MYCBP: variants seen among roughly 807,000 people sequenced by gnomAD.
MYCBP encodes C-Myc-binding protein.
A neutral mutation model predicts 16.8 loss-of-function variants in MYCBP; 5 were observed. That is an observed-to-expected ratio of 0.30 (90% CI 0.16 to 0.63). The LOEUF (loss-of-function observed/expected upper bound fraction) is 0.63. Ranked by LOEUF, MYCBP falls within the 20% of genes least tolerant of loss-of-function variation. The probability of loss-of-function intolerance (pLI) is 0.83; values close to 1 mark genes in which losing one functional copy is unlikely to be tolerated. For synonymous variants in MYCBP, 35 were observed against 43.7 expected (o/e 0.80, Z 0.79); for missense variants, 103 against 121.8 (o/e 0.85, Z 0.73).
intron 2 of MYCBP, chr1:38,872,486 GAA>G (rs1642486007): frequency 6.5e-6 from 1 of 153,548 alleles, no homozygotes; most frequent in South Asian, 2.0e-4. Context: ...TCTACTTTAT[GAA>G]ATATACACAA....
intron 2 of MYCBP, 56 bp from the exon 3 acceptor site, chr1:38,867,666 AAATT>A: frequency 1.6e-5 from 23 of 1,483,472 alleles, no homozygotes; most frequent in Non-Finnish European, 2.1e-5. Flanking sequence ...TGAATGGCTG[AAATT>A]ATGTTCCATT....
At position 38,873,012 on chromosome 1, in the gene MYCBP, G is replaced by A. The variant is rs935959826; in HGVS notation, c.88+6C>T. The A allele has an allele frequency of 1.3e-6, 2 of 1,571,842 alleles. No homozygotes were observed. Among genetic ancestry groups the A allele is most frequent in the Non-Finnish European group, 1.7e-6 (2 of 1,158,722 alleles). On this transcript the variant is annotated splice_donor_region_variant and intron_variant, in intron 2 of 4. Coordinates refer to ENST00000397572, the MANE Select transcript of MYCBP (RefSeq NM_012333.5). ...CACGAGGTACCCTCTCCTAGCCCAG[G>A]CTCACCCTTGGTCAGCGTGTCCAGC...
At chr1:38,869,081 G>A (rs868447192) in intron 2 of MYCBP, among the ~76,000 whole-genome samples, 3 of 139,012 alleles carry the variant, frequency 2.2e-5, no homozygotes, top group African/African-American at 5.2e-5. Flanking sequence ...AATTCATTTG[G>A]TTTTTTTTTT....
chr1:38,864,594 G>A lies in MYCBP; in HGVS notation c.*76C>T. 1 of 1,453,218 alleles carries A rather than the reference G, an allele frequency of 6.9e-7. No individual in the cohort carries two copies. The highest frequency in any genetic ancestry group is 1.1e-5 in the South Asian group (1 of 87,060). The allele number at this position is 1,453,218 out of a possible 1,614,324, so 90.0% of individuals were successfully genotyped here. ...AAAAGAGTTCTATAGCATCTGTTCA[G>A]AAAAGATTATATACTATACAAACTA... On this transcript the variant is annotated 3_prime_UTR_variant, in exon 5 of 5. Transcript: ENST00000397572.
At chr1:38,873,353 G>A (rs545871294), upstream of MYCBP, 9 of 1,590,352 alleles carry the variant, frequency 5.7e-6, no homozygotes, top group Admixed American at 3.4e-5. Context: ...GCGACTGGCG[G>A]GTTGGGAGCA....
intron 2 of MYCBP, among the ~76,000 whole-genome samples, chr1:38,869,616 G>C (rs1642417976): frequency 6.6e-6 from 1 of 152,098 alleles, no homozygotes; most frequent in African/African-American, 2.4e-5. Context: ...TGCCTTCGCA[G>C]CCAGGATTTT....
Position 38,867,601 on chromosome 1 carries a change from G to A in MYCBP, c.98C>T (p.Ala33Val), listed in dbSNP as rs1195753573. Residue 33 changes from alanine to valine, a missense_variant, in exon 3 of 5, where the codon GCC becomes GTC. Ala to Val is a moderately conservative substitution (Grantham distance 64). Coordinates refer to ENST00000397572, the MANE Select transcript of MYCBP (RefSeq NM_012333.5). The part of the protein sequence containing the change: ...VLDTLTKVLV[A>V]LYEEPEKPNS... ...AGGTTTCTCTGGTTCTTCATATAAG[G>A]CTACCAACACTGCAAATCAAAAAGC... 1 of 1,613,492 alleles carries A rather than the reference G, an allele frequency of 6.2e-7. No homozygotes were observed. The highest frequency in any genetic ancestry group is 1.3e-5 in the African/African-American group (1 of 74,858).
At chr1:38,873,128 A>G in intron 1 of MYCBP, 38 bp from the exon 2 acceptor site, 1 of 1,553,742 alleles carries the variant, frequency 6.4e-7, no homozygotes, top group Non-Finnish European at 8.7e-7. Flanking sequence ...AGAGCCCGGG[A>G]GCCGAGCAGG....
At chr1:38,872,137 T>A (rs1487785159) in intron 2 of MYCBP, among the ~76,000 whole-genome samples, 1 of 152,224 alleles carries the variant, frequency 6.6e-6, no homozygotes, top group Non-Finnish European at 1.5e-5. Flanking sequence ...TAAACTTTGC[T>A]TCTGTCCAAA....
chr1:38,864,173 GTTAT>G lies in MYCBP; in HGVS notation c.*493_*496del, dbSNP rs1163540326. 1 of 155,486 alleles carries G rather than the reference GTTAT, an allele frequency of 6.4e-6. No individual in the cohort carries two copies. Among genetic ancestry groups the G allele is most frequent in the Non-Finnish European group, 1.4e-5 (1 of 70,028 alleles). 9.6% of individuals were successfully genotyped at this position (155,486 alleles called of 1,614,324 possible). On this transcript the variant is annotated 3_prime_UTR_variant, in exon 5 of 5. Transcript: ENST00000397572. ...TCTAAGGCAAAGTGGTGGCAAAGAAGTTATTTGTTCCATGTCACACAAACAAGAG... is the reference window on the plus strand; with the variant it reads ...TCTAAGGCAAAGTGGTGGCAAAGAAGTTGTTCCATGTCACACAAACAAGAG...
upstream of MYCBP, chr1:38,873,374 T>G: frequency 6.4e-7 from 1 of 1,561,038 alleles, no homozygotes; most frequent in Non-Finnish European, 8.6e-7. Context: ...GCACTGCTCA[T>G]GCGCGGAAGG....
Position 38,873,108 on chromosome 1 carries a change from G to A in MYCBP, c.16-18C>T. Reference sequence around the variant, plus strand: ...TCGGCGGCCTGAAGAGACACCGGGGGTCAGTGGCCAGAGCCCGGGAGCCGA... The same window carrying A: ...TCGGCGGCCTGAAGAGACACCGGGGATCAGTGGCCAGAGCCCGGGAGCCGA... On this transcript the variant is annotated intron_variant, in intron 1 of 4. Transcript: ENST00000397572. The A allele has an allele frequency of 2.6e-6, 4 of 1,556,538 alleles. No homozygotes were observed. Among genetic ancestry groups the A allele is most frequent in the South Asian group, 1.2e-5 (1 of 84,666 alleles).
At chr1:38,868,069 A>G (rs913302382) in intron 2 of MYCBP, among the ~76,000 whole-genome samples, 4 of 152,220 alleles carry the variant, frequency 2.6e-5, no homozygotes, top group African/African-American at 9.7e-5. Context: ...CAGATTAGGG[A>G]GAGTCATGCA....
chr1:38,864,787 C>T, intron 4 of MYCBP, 73 bp from the exon 5 acceptor site: 1 of 1,388,046 alleles, frequency 7.2e-7, no homozygotes, highest in South Asian at 1.2e-5. Context: ...AACAAGGTAA[C>T]TGTTATATTC....
intron 4 of MYCBP, among the ~76,000 whole-genome samples, 200 bp downstream of exon 4, chr1:38,866,680 G>T (rs1642346796): frequency 6.6e-6 from 1 of 152,160 alleles, no homozygotes; most frequent in Admixed American, 6.5e-5. Flanking sequence ...CTCCCAAAGT[G>T]CTGGGATTAC....
intron 2 of MYCBP, among the ~76,000 whole-genome samples, chr1:38,872,301 A>C (rs190493246): frequency 6.6e-6 from 1 of 152,246 alleles, no homozygotes; most frequent in Non-Finnish European, 1.5e-5. Context: ...AAGCCAATAA[A>C]GTAAACTGTA....
At chr1:38,866,187 T>G (rs1642334175) in intron 4 of MYCBP, among the ~76,000 whole-genome samples, 1 of 151,178 alleles carries the variant, frequency 6.6e-6, no homozygotes, top group Non-Finnish European at 1.5e-5. Context: ...TAGCTGAGAT[T>G]ACAGGCATGC....
Position 38,866,861 on chromosome 1 carries a change from ATTC to A in MYCBP, c.267+16_267+18del. On this transcript the variant is annotated intron_variant, in intron 4 of 4. Coordinates refer to ENST00000397572, the MANE Select transcript of MYCBP (RefSeq NM_012333.5). ...TACAGGTAAAATTATTTGAATATGA[ATTC>A]TTTTTAAAAATTTACCTTTGCTTTC... 1 of 1,468,532 alleles carries A rather than the reference ATTC, an allele frequency of 6.8e-7. No homozygotes were observed. 91.0% of individuals were successfully genotyped at this position (1,468,532 alleles called of 1,614,324 possible).
rs538095589 is a variant in MYCBP, at chr1:38,863,828, G to A, written c.*842C>T. The A allele has an allele frequency of 1.3e-5, 2 of 152,682 alleles. No individual in the cohort carries two copies. Among genetic ancestry groups the A allele is most frequent in the East Asian group, 3.9e-4 (2 of 5,186 alleles). The allele number at this position is 152,682 out of a possible 1,614,324, so 9.5% of individuals were successfully genotyped here. On this transcript the variant is annotated 3_prime_UTR_variant, in exon 5 of 5. Coordinates refer to ENST00000397572, the MANE Select transcript of MYCBP (RefSeq NM_012333.5). ...CTATATAATTATACCTACAAACTAT[G>A]ATTTTCCCCAATATATGGCTCATTC...
Sources: allele counts gnomAD v4.1 joint callset (sites outside exome capture counted in the v4.1 genomes callset), GRCh38; gene constraint gnomAD v4.1.1; transcripts MANE v1.5; gene names NCBI Gene and HGNC (gene_info 2026-07-23, HGNC 2026-07-21).